Variants in GALNT18 observed in about 807,000 individuals in gnomAD.
GALNT18 encodes the protein GalNAc-transferase 18.
GALNT18 carries 44 observed loss-of-function variants against 69.5 expected under a neutral mutation model. The observed-to-expected ratio is 0.63, with a 90% CI of 0.50 to 0.81. The LOEUF is 0.81. Ranked by LOEUF, GALNT18 falls within the 40% of genes least tolerant of loss-of-function variation. The probability of loss-of-function intolerance (pLI) is 0.00; values close to 1 mark genes in which losing one functional copy is unlikely to be tolerated. For missense variants in GALNT18, 715 were observed against 810.0 expected (o/e 0.88, Z 1.42); for synonymous variants, 364 against 318.2 (o/e 1.14, Z -1.53).
intron 1 of GALNT18, among the ~76,000 whole-genome samples, chr11:11,565,511 C>A (rs1858626064): frequency 6.6e-6 from 1 of 152,126 alleles, no homozygotes; most frequent in African/African-American, 2.4e-5. Context: ...AATGCAAGCA[C>A]TGGGAAAGGA....
rs1854551620 is a variant in GALNT18, at chr11:11,404,778, T to C, written c.596-25514A>G. 1.3e-5 allele frequency among the ~76,000 whole-genome samples: 2 copies of C among 152,138 alleles called. No homozygotes were observed. The highest frequency in any genetic ancestry group is 2.4e-5 in the African/African-American group (1 of 41,434). On this transcript the variant is annotated intron_variant, in intron 3 of 10. Coordinates refer to ENST00000227756, the MANE Select transcript of GALNT18 (RefSeq NM_198516.3). The surrounding 1 kb of genome is among the most constrained non-coding windows in gnomAD (Gnocchi z 4.5). ...CCCGGCTCCAGCCCCGCACAGACCCTGACCATACCCTGGCGACTCCATCAG... is the reference window on the plus strand; with the variant it reads ...CCCGGCTCCAGCCCCGCACAGACCCCGACCATACCCTGGCGACTCCATCAG...
At position 11,604,093 on chromosome 11, in the gene GALNT18, A is replaced by G. The variant is rs374751478; in HGVS notation, c.235+17266T>C. 1.3e-5 allele frequency among the ~76,000 whole-genome samples: 2 copies of G among 152,218 alleles called. No homozygotes were observed. Among genetic ancestry groups the G allele is most frequent in the Admixed American group, 6.5e-5 (1 of 15,288 alleles). ...AAGAAATTGGGCCCTCACCAAACAC[A>G]GAATCCGCTATGCCTTAATTTTGGA... On this transcript the variant is annotated intron_variant, in intron 1 of 10. Transcript: ENST00000227756. This position sits in a 1 kb window ranked among gnomAD's most constrained non-coding sequence, Gnocchi z 5.6.
intron 9 of GALNT18, among the ~76,000 whole-genome samples, chr11:11,297,640 T>C (rs772586974): frequency 2.6e-5 from 4 of 152,084 alleles, no homozygotes; most frequent in Non-Finnish European, 4.4e-5. Context: ...TGGAGGAGCC[T>C]AGAATAAAAG....
intron 9 of GALNT18, among the ~76,000 whole-genome samples, chr11:11,317,899 T>C (rs766464954): frequency 1.8e-4 from 28 of 152,368 alleles, no homozygotes; most frequent in Admixed American, 1.4e-3. Context: ...AATACTGGCA[T>C]CCTTCCTAGT....
chr11:11,284,799 A>C (rs929106744), intron 10 of GALNT18, among the ~76,000 whole-genome samples: 8 of 148,056 alleles, frequency 5.4e-5, no homozygotes, highest in Non-Finnish European at 1.2e-4. Flanking sequence ...TGTGTGGGAC[A>C]TTACAGCTAG....
rs75301051 is a variant in GALNT18, at chr11:11,347,488, A to C, written c.1093-6484T>G. 0.048 allele frequency among the ~76,000 whole-genome samples: 7,294 copies of C among 152,310 alleles called. 245 individuals carry two copies. Among genetic ancestry groups the C allele is most frequent in the South Asian group, 0.13 (609 of 4,818 alleles). ...CTCTGTCCAGTCTCAGTGGAGAAGTATGCCACAATTTATTCATTACGGTTA... is the reference window on the plus strand; with the variant it reads ...CTCTGTCCAGTCTCAGTGGAGAAGTCTGCCACAATTTATTCATTACGGTTA... On this transcript the variant is annotated intron_variant, in intron 6 of 10. Transcript: ENST00000227756. The surrounding 1 kb of genome is among the most constrained non-coding windows in gnomAD (Gnocchi z 4.0).
rs1315965439 is a variant in GALNT18 at position 11,437,195 on chromosome 11, C to T, written c.429-4408G>A. On this transcript the variant is annotated intron_variant, in intron 2 of 10. Coordinates refer to ENST00000227756, the MANE Select transcript of GALNT18 (RefSeq NM_198516.3). ...CCAGCCCTTCCGTGTTTAAGCTCCT[C>T]GAGAACTCACAACTGCACGAGACCG... Among the ~76,000 whole-genome samples, 8 of 152,298 alleles carry T rather than the reference C, an allele frequency of 5.3e-5. No homozygotes were observed. In the South Asian group the frequency reaches 6.2e-4, roughly 12 times the overall value.
At chr11:11,353,294 G>A (rs1043721187) in intron 6 of GALNT18, 23 of 729,414 alleles carry the variant, frequency 3.2e-5, no homozygotes, top group Admixed American at 1.2e-4. Context: ...ATATGGCGGC[G>A]ATGGAGTGGG....
rs994280936 is a variant in GALNT18 at position 11,500,276 on chromosome 11, C to T, written c.236-51340G>A. ...CTGCCAAGAACCTGCAGGAGGCTGGCCTCCCGGGAGTCCCTAATACTGGCG... is the reference window on the plus strand; with the variant it reads ...CTGCCAAGAACCTGCAGGAGGCTGGTCTCCCGGGAGTCCCTAATACTGGCG... On this transcript the variant is annotated intron_variant, in intron 1 of 10. Transcript: ENST00000227756. This position sits in a 1 kb window ranked among gnomAD's most constrained non-coding sequence, Gnocchi z 5.0. Among the ~76,000 whole-genome samples, 1 of 152,184 alleles carries T rather than the reference C, an allele frequency of 6.6e-6. No individual in the cohort carries two copies. The highest frequency in any genetic ancestry group is 2.4e-5 in the African/African-American group (1 of 41,450).
At chr11:11,319,912 G>A (rs952709394) in intron 9 of GALNT18, among the ~76,000 whole-genome samples, 2 of 152,166 alleles carry the variant, frequency 1.3e-5, no homozygotes, top group African/African-American at 4.8e-5. Context: ...TTTAGTAAGC[G>A]ATGACTGTGT....
Position 11,583,369 on chromosome 11 carries a change from T to A in GALNT18, c.235+37990A>T, listed in dbSNP as rs1271371615. ...ATGCCTTTGGGTCCTCCAGAGCAGC[T>A]GACCAGTGCCAAGTACATAGGAGGA... On this transcript the variant is annotated intron_variant, in intron 1 of 10. Transcript: ENST00000227756. The surrounding 1 kb of genome is among the most constrained non-coding windows in gnomAD (Gnocchi z 4.7). Among the ~76,000 whole-genome samples, 3 of 152,218 alleles carry A rather than the reference T, an allele frequency of 2.0e-5. No homozygotes were observed. Among genetic ancestry groups the A allele is most frequent in the Non-Finnish European group, 2.9e-5 (2 of 68,036 alleles).
At chr11:11,282,846 A>G (rs1849111789) in intron 10 of GALNT18, among the ~76,000 whole-genome samples, 2 of 152,220 alleles carry the variant, frequency 1.3e-5, no homozygotes, top group Admixed American at 6.5e-5. Context: ...TGTAGAGACC[A>G]TATTCTAGTA....
At position 11,598,490 on chromosome 11, in the gene GALNT18, C is replaced by A. The variant is rs1204146400; in HGVS notation, c.235+22869G>T. On this transcript the variant is annotated intron_variant, in intron 1 of 10. Transcript: ENST00000227756. This position sits in a 1 kb window ranked among gnomAD's most constrained non-coding sequence, Gnocchi z 4.8. ...AGCCTTCATTTTCATGTGTGTGTAACCTTCCTCTGCTTCTCTCTTAGGAGG... is the reference window on the plus strand; with the variant it reads ...AGCCTTCATTTTCATGTGTGTGTAAACTTCCTCTGCTTCTCTCTTAGGAGG... Among the ~76,000 whole-genome samples the A allele has an allele frequency of 2.0e-5, 3 of 152,152 alleles. No individual in the cohort carries two copies. Among genetic ancestry groups the A allele is most frequent in the African/African-American group, 7.2e-5 (3 of 41,444 alleles).
At chr11:11,599,048 G>GA (rs1045085166) in intron 1 of GALNT18, among the ~76,000 whole-genome samples, 1 of 151,644 alleles carries the variant, frequency 6.6e-6, no homozygotes, top group Non-Finnish European at 1.5e-5. Context: ...ATATATGCTT[G>GA]AAAAAAATGT....
rs74361912 is a variant in GALNT18 at position 11,554,896 on chromosome 11, G to T, written c.235+66463C>A. On this transcript the variant is annotated intron_variant, in intron 1 of 10. Transcript: ENST00000227756. ...CTGAGCCCAGGGTCTCTGAGCAGGG[G>T]TGAGGGTCCCGGAGGGAGCAGACAG... Among the ~76,000 whole-genome samples the T allele has an allele frequency of 1.0e-3, 158 of 152,300 alleles. 1 individual carries two copies. In the East Asian group the frequency reaches 0.025, roughly 24 times the overall value.
intron 1 of GALNT18, among the ~76,000 whole-genome samples, chr11:11,615,802 T>C (rs1385912320): frequency 6.6e-6 from 1 of 152,196 alleles, no homozygotes; most frequent in Non-Finnish European, 1.5e-5. Context: ...CTTAACCCTT[T>C]TAATTCTCAG....
rs545819809 is a variant in GALNT18 at position 11,296,423 on chromosome 11, G to A, written c.1513-3230C>T. ...TATACCCCTGGGTTGAATGCACTGT[G>A]ACCTCCTTAGGACACTGTAGCTCTT... On this transcript the variant is annotated intron_variant, in intron 9 of 10. Coordinates refer to ENST00000227756, the MANE Select transcript of GALNT18 (RefSeq NM_198516.3). 2.6e-5 allele frequency among the ~76,000 whole-genome samples: 4 copies of A among 152,314 alleles called. No homozygotes were observed. In the South Asian group the frequency reaches 8.3e-4, roughly 32 times the overall value.
intron 10 of GALNT18, 21 bp downstream of exon 10, chr11:11,293,008 C>T: frequency 2.2e-6 from 3 of 1,351,762 alleles, no homozygotes; most frequent in Non-Finnish European, 2.9e-6. Flanking sequence ...TGCCACTGTG[C>T]CCGGGCTCTG....
intron 9 of GALNT18, among the ~76,000 whole-genome samples, chr11:11,300,991 C>G (rs1461504162): frequency 6.6e-6 from 1 of 152,186 alleles, no homozygotes; most frequent in Non-Finnish European, 1.5e-5. Flanking sequence ...CCCTGCAGAT[C>G]GGGATCTAGC....
Sources: allele counts gnomAD v4.1 joint callset (sites outside exome capture counted in the v4.1 genomes callset), GRCh38; gene constraint gnomAD v4.1.1; non-coding constraint Gnocchi (gnomAD v3.1); transcripts MANE v1.5; gene names NCBI Gene and HGNC (gene_info 2026-07-23, HGNC 2026-07-21).